The following UNC13C variants were observed in gnomAD, a reference collection of about 807,000 sequenced individuals.
The protein encoded by UNC13C is protein unc-13 homolog C.
In UNC13C, 174 loss-of-function variants were observed where a neutral mutation model predicts 245.4. That is an observed-to-expected ratio of 0.71 (90% CI 0.63 to 0.80). The LOEUF (loss-of-function observed/expected upper bound fraction) is 0.80. Among genes scored for constraint, UNC13C ranks in the 30% least tolerant of loss-of-function variants. The pLI, the probability that UNC13C is intolerant of heterozygous loss-of-function variation, is 0.00. For synonymous variants in UNC13C, 992 were observed against 895.1 expected, an observed-to-expected ratio of 1.11 and a Z score of -1.93; for missense variants, 2,829 against 2,602.9, an observed-to-expected ratio of 1.09 and a Z score of -1.89.
chr15:54,314,725 T>A (rs2037966236), intron 13 of UNC13C, among the ~76,000 whole-genome samples: 1 of 151,832 alleles, frequency 6.6e-6, no homozygotes. Context: ...CTAGTTTACT[T>A]GGTGTTTTCA....
intron 19 of UNC13C, among the ~76,000 whole-genome samples, chr15:54,420,701 C>T (rs150338384): frequency 3.3e-4 from 50 of 151,616 alleles, no homozygotes; most frequent in African/African-American, 1.1e-3. Flanking sequence ...TTTTTCCCTT[C>T]GGCTTCATTT....
chr15:54,159,180 A>G (rs960945571), intron 4 of UNC13C, among the ~76,000 whole-genome samples: 2 of 152,210 alleles, frequency 1.3e-5, no homozygotes, highest in African/African-American at 4.8e-5. Context: ...TACTTTAGCT[A>G]TTTCATGCTC....
At chr15:53,977,375 G>A (rs1223976038), upstream of UNC13C, among the ~76,000 whole-genome samples, 1 of 152,030 alleles carries the variant, frequency 6.6e-6, no homozygotes, top group African/African-American at 2.4e-5. Flanking sequence ...TATTTTGATG[G>A]CAACTATTAT....
intron 26 of UNC13C, among the ~76,000 whole-genome samples, chr15:54,540,190 G>A (rs1257390493): frequency 6.6e-6 from 1 of 151,956 alleles, no homozygotes; most frequent in East Asian, 1.9e-4. Context: ...GATGTAAAGT[G>A]ATAATGAGTA....
chr15:54,026,330 C>T (rs1595732667), intron 2 of UNC13C, among the ~76,000 whole-genome samples: 2 of 152,304 alleles, frequency 1.3e-5, no homozygotes, highest in East Asian at 3.9e-4. Flanking sequence ...ATGATGAGAT[C>T]AGGTGACAGG....
At chr15:53,990,674 C>A (rs748657270) in intron 1 of UNC13C, among the ~76,000 whole-genome samples, 1 of 151,936 alleles carries the variant, frequency 6.6e-6, no homozygotes, top group Non-Finnish European at 1.5e-5. Context: ...AAGCTTGAAC[C>A]TCTAGAGCCA....
At chr15:54,194,866 A>G (rs76439103) in intron 4 of UNC13C, among the ~76,000 whole-genome samples, 1 of 152,176 alleles carries the variant, frequency 6.6e-6, no homozygotes, top group African/African-American at 2.4e-5. Flanking sequence ...AGCATTAAAC[A>G]CTAAACATGT....
At chr15:54,066,185 G>C (rs551649268) in intron 2 of UNC13C, among the ~76,000 whole-genome samples, 14 of 152,258 alleles carry the variant, frequency 9.2e-5, no homozygotes, top group African/African-American at 3.4e-4. Context: ...GATATGCATG[G>C]ATCATCTGAA....
chr15:54,413,721 A>G (rs2040459607), intron 18 of UNC13C, among the ~76,000 whole-genome samples: 1 of 152,194 alleles, frequency 6.6e-6, no homozygotes, highest in Admixed American at 6.5e-5. Context: ...GGACTAGAGT[A>G]GTTCTGTATG....
chr15:54,167,154 C>G (rs1041683734), intron 4 of UNC13C, among the ~76,000 whole-genome samples: 1 of 152,026 alleles, frequency 6.6e-6, no homozygotes, highest in African/African-American at 2.4e-5. Context: ...TAGAAATACA[C>G]CCACATAAAT....
chr15:54,542,550 T>G (rs1164409272), intron 26 of UNC13C, among the ~76,000 whole-genome samples: 1 of 152,144 alleles, frequency 6.6e-6, no homozygotes, highest in South Asian at 2.1e-4. Context: ...GTCCGGAATA[T>G]CCTTGTTAAT....
the UNC13C span, among the ~76,000 whole-genome samples, chr15:53,902,974 G>A: frequency 1.3e-5 from 2 of 152,162 alleles, no homozygotes; most frequent in Admixed American, 1.3e-4. Flanking sequence ...GGAATGCTGG[G>A]ACATAGTTTC....
At chr15:54,130,641 T>A (rs11071046) in intron 2 of UNC13C, among the ~76,000 whole-genome samples, 142,664 of 152,154 alleles carry the variant, frequency 0.94, 67,579 homozygotes, top group East Asian at 1. Context: ...AATATATTTC[T>A]GTTTGGTATG....
chr15:53,996,210 A>C (rs966326441), intron 1 of UNC13C, among the ~76,000 whole-genome samples: 3 of 152,196 alleles, frequency 2.0e-5, no homozygotes, highest in Non-Finnish European at 2.9e-5. Context: ...CAGTACTGAA[A>C]CACGTATCTT....
chr15:54,087,598 T>C (rs1197524332), intron 2 of UNC13C, among the ~76,000 whole-genome samples: 2 of 152,168 alleles, frequency 1.3e-5, no homozygotes, highest in Non-Finnish European at 2.9e-5. Context: ...TATTACAGGC[T>C]TAAATTAGTG....
intron 19 of UNC13C, among the ~76,000 whole-genome samples, chr15:54,452,869 T>C (rs993154101): frequency 1.3e-5 from 2 of 152,118 alleles, no homozygotes; most frequent in Non-Finnish European, 2.9e-5. Flanking sequence ...AGCCCTTCTT[T>C]CTGGGAAAAT....
At chr15:54,196,436 A>AT (rs1444498932) in intron 4 of UNC13C, among the ~76,000 whole-genome samples, 4 of 152,122 alleles carry the variant, frequency 2.6e-5, no homozygotes, top group African/African-American at 9.7e-5. Flanking sequence ...TCCACATTCA[A>AT]TTTTCCATAT....
At chr15:54,543,176 T>C (rs1333517114) in intron 26 of UNC13C, among the ~76,000 whole-genome samples, 1 of 152,132 alleles carries the variant, frequency 6.6e-6, no homozygotes, top group African/African-American at 2.4e-5. Context: ...CTTTGGGAGC[T>C]CTTGTAAGGC....
chr15:54,367,626 G>A (rs2039393444), intron 17 of UNC13C, among the ~76,000 whole-genome samples: 1 of 152,114 alleles, frequency 6.6e-6, no homozygotes, highest in Non-Finnish European at 1.5e-5. Flanking sequence ...AAAGTTTTTA[G>A]ACAGAGAATG....
Sources: gnomAD v4.1 joint callset for allele counts (sites outside exome capture counted in the v4.1 genomes callset) on GRCh38, gnomAD v4.1.1 for gene constraint, MANE v1.5 for transcripts, NCBI Gene and HGNC (gene_info 2026-07-23, HGNC 2026-07-21) for gene names.